CSMD3: variants seen among roughly 807,000 people sequenced by gnomAD.
CSMD3 encodes the protein CUB and Sushi multiple domains 3.
In CSMD3, 177 loss-of-function variants were observed where a neutral mutation model predicts 435.2. That is an observed-to-expected ratio of 0.41 (90% CI 0.36 to 0.46). The LOEUF (loss-of-function observed/expected upper bound fraction) is 0.46, where lower values mean the gene tolerates loss of function less well. CSMD3 is among the 20% of genes least tolerant of loss of function. CSMD3 has a pLI of 0.34. For synonymous variants in CSMD3, 1,656 were observed against 1,520.5 expected (o/e 1.09, Z -2.07); for missense variants, 4,265 against 4,504.6 (o/e 0.95, Z 1.52).
chr8:112,778,768 A>G (rs1311522316), intron 13 of CSMD3, among the ~76,000 whole-genome samples: 2 of 151,974 alleles, frequency 1.3e-5, no homozygotes, highest in East Asian at 1.9e-4. Flanking sequence ...ACTATCTCTC[A>G]AAATGGCTAT....
chr8:112,514,400 A>G (rs1211125699), intron 28 of CSMD3, among the ~76,000 whole-genome samples: 2 of 152,186 alleles, frequency 1.3e-5, no homozygotes, highest in Non-Finnish European at 1.5e-5. Context: ...CATTCAAAAT[A>G]TAAGTCAGGG....
chr8:112,307,454 G>T (rs1821548211), intron 50 of CSMD3, among the ~76,000 whole-genome samples: 1 of 151,906 alleles, frequency 6.6e-6, no homozygotes, highest in Non-Finnish European at 1.5e-5. Flanking sequence ...GCTAATATTT[G>T]TATTTTTTTG....
chr8:113,363,318 A>AT (rs1438460204), intron 1 of CSMD3, among the ~76,000 whole-genome samples: 1 of 94,774 alleles, frequency 1.1e-5, no homozygotes, highest in Non-Finnish European at 2.5e-5. Context: ...CCTTTATCAG[A>AT]TATGTTTTGT....
At chr8:112,649,369 T>A (rs1359333087) in intron 19 of CSMD3, among the ~76,000 whole-genome samples, 1 of 152,196 alleles carries the variant, frequency 6.6e-6, no homozygotes, top group Non-Finnish European at 1.5e-5. Flanking sequence ...TAAAACTGTT[T>A]AAAAAATGAT....
chr8:112,673,373 C>G (rs929063219), intron 16 of CSMD3, among the ~76,000 whole-genome samples: 1 of 151,924 alleles, frequency 6.6e-6, no homozygotes, highest in Non-Finnish European at 1.5e-5. Context: ...ACTTCTATCC[C>G]TCCCTGTACC....
chr8:113,094,560 G>A (rs561246286), intron 5 of CSMD3, among the ~76,000 whole-genome samples: 2 of 152,016 alleles, frequency 1.3e-5, no homozygotes, highest in South Asian at 4.1e-4. Flanking sequence ...TTCTTCTCAC[G>A]CTACTAATCT....
At chr8:112,923,880 TG>T (rs1163016574) in intron 9 of CSMD3, among the ~76,000 whole-genome samples, 1 of 152,150 alleles carries the variant, frequency 6.6e-6, no homozygotes, top group Admixed American at 6.6e-5. Flanking sequence ...TCCCTATAAC[TG>T]GAAAAATATT....
At chr8:112,677,727 A>T (rs915933744) in intron 16 of CSMD3, among the ~76,000 whole-genome samples, 5 of 151,958 alleles carry the variant, frequency 3.3e-5, no homozygotes, top group Admixed American at 2.6e-4. Context: ...TTGGACTTAA[A>T]CAGTGTTACA....
chr8:113,278,373 C>T (rs2093587708), intron 3 of CSMD3, among the ~76,000 whole-genome samples: 1 of 151,784 alleles, frequency 6.6e-6, no homozygotes, highest in Non-Finnish European at 1.5e-5. Flanking sequence ...TAATTCGTAA[C>T]CCTGTAGCAA....
chr8:113,345,026 T>C (rs986615197), intron 1 of CSMD3, among the ~76,000 whole-genome samples: 5 of 152,102 alleles, frequency 3.3e-5, no homozygotes, highest in African/African-American at 1.2e-4. Flanking sequence ...GTTGCCTGTT[T>C]CTTCAACTGA....
chr8:112,885,381 C>T (rs201553979), intron 10 of CSMD3, among the ~76,000 whole-genome samples: 2 of 142,200 alleles, frequency 1.4e-5, no homozygotes, highest in African/African-American at 5.2e-5. Context: ...TATATATATA[C>T]ATATATATAT....
intron 14 of CSMD3, among the ~76,000 whole-genome samples, chr8:112,689,190 T>C (rs2076078916): frequency 6.6e-6 from 1 of 152,020 alleles, no homozygotes; most frequent in South Asian, 2.1e-4. Flanking sequence ...ACACAATATA[T>C]TGTTATTAGG....
intron 1 of CSMD3, among the ~76,000 whole-genome samples, chr8:113,320,632 T>A (rs1225766472): frequency 6.6e-6 from 1 of 152,122 alleles, no homozygotes; most frequent in Admixed American, 6.5e-5. Flanking sequence ...AGTTCTTTTT[T>A]AAAAAATTGT....
In CSMD3 at chr8:112,290,305, C is replaced by T. The variant is rs1391658857; in HGVS notation, c.8975-767G>A. ...TGAGGACACAAAAACTTAATAAAACCTTTCAGTATATAATACTCTACCAGG... is the reference window on the plus strand; with the variant it reads ...TGAGGACACAAAAACTTAATAAAACTTTTCAGTATATAATACTCTACCAGG... On this transcript the variant is annotated intron_variant, in intron 56 of 70. Coordinates refer to ENST00000297405, the MANE Select transcript of CSMD3 (RefSeq NM_198123.2). 2.0e-5 allele frequency among the ~76,000 whole-genome samples: 3 copies of T among 151,898 alleles called. No homozygotes were observed. The East Asian group carries it at 5.8e-4, about 29-fold the overall frequency.
At chr8:112,655,700 T>C (rs1415452514) in intron 18 of CSMD3, among the ~76,000 whole-genome samples, 1 of 152,030 alleles carries the variant, frequency 6.6e-6, no homozygotes, top group Non-Finnish European at 1.5e-5. Flanking sequence ...AATATTATTT[T>C]CAACATTTTA....
chr8:112,326,793 C>A (rs967647515), intron 45 of CSMD3, among the ~76,000 whole-genome samples: 3 of 152,098 alleles, frequency 2.0e-5, no homozygotes, highest in Non-Finnish European at 4.4e-5. Flanking sequence ...GGAGAGCAGA[C>A]CACTTGAGGT....
chr8:112,523,316 C>A (rs1407623393), intron 27 of CSMD3, among the ~76,000 whole-genome samples: 1 of 151,902 alleles, frequency 6.6e-6, no homozygotes, highest in African/African-American at 2.4e-5. Flanking sequence ...TATTTAGAAT[C>A]AGACAAAATA....
At chr8:113,270,189 G>T (rs1480350287) in intron 3 of CSMD3, among the ~76,000 whole-genome samples, 1 of 152,092 alleles carries the variant, frequency 6.6e-6, no homozygotes, top group African/African-American at 2.4e-5. Flanking sequence ...TATTTATGTA[G>T]CCAACAGACA....
intron 12 of CSMD3, among the ~76,000 whole-genome samples, chr8:112,806,141 C>T (rs1385735352): frequency 6.6e-6 from 1 of 151,666 alleles, no homozygotes; most frequent in African/African-American, 2.4e-5. Flanking sequence ...TGTAAAGTGG[C>T]CAAAACTCTA....
Sources: gnomAD v4.1 joint callset for allele counts (sites outside exome capture counted in the v4.1 genomes callset) on GRCh38, gnomAD v4.1.1 for gene constraint, MANE v1.5 for transcripts, NCBI Gene and HGNC (gene_info 2026-07-23, HGNC 2026-07-21) for gene names.